Variants in VWC2L observed in about 807,000 individuals in gnomAD.
VWC2L encodes the protein von Willebrand factor C domain containing 2 like.
A neutral mutation model predicts 21.6 loss-of-function variants in VWC2L; 10 were observed. The observed-to-expected ratio is 0.46, with a 90% CI of 0.29 to 0.78. VWC2L has a LOEUF of 0.78. Ranked by LOEUF, VWC2L falls within the 30% of genes least tolerant of loss-of-function variation. The pLI is 0.10. For synonymous variants in VWC2L, 96 were observed against 94.3 expected, an observed-to-expected ratio of 1.02 and a Z score of -0.10; for missense variants, 209 against 277.1, an observed-to-expected ratio of 0.75 and a Z score of 1.74.
At chr2:214,462,102 CGGTCTAGTGGAAGCTA>C (rs1029603942) in intron 3 of VWC2L, among the ~76,000 whole-genome samples, 1 of 152,164 alleles carries the variant, frequency 6.6e-6, no homozygotes, top group African/African-American at 2.4e-5. Flanking sequence ...GAGCAGGATG[CGGTCTAGTGGAAGCTA>C]GGCTCTCAAA....
intron 3 of VWC2L, among the ~76,000 whole-genome samples, chr2:214,555,082 G>A (rs189337283): frequency 7.4e-4 from 112 of 152,252 alleles, no homozygotes; most frequent in Non-Finnish European, 1.3e-3. Flanking sequence ...AAGAACCTTG[G>A]CTTCCACAAG....
At position 214,575,881 on chromosome 2, in the gene VWC2L, A is replaced by G. The variant is rs956198848; in HGVS notation, c.*61A>G. 6.4e-7 allele frequency: 1 copy of G among 1,553,258 alleles called. No homozygotes were observed. Among genetic ancestry groups the G allele is most frequent in the Non-Finnish European group, 8.8e-7 (1 of 1,140,174 alleles). ...GGATGCTATGGCTTCAACACTGCAC[A>G]TGTTTAACACAAAACAAAACAAACA... On this transcript the variant is annotated 3_prime_UTR_variant, in exon 4 of 4. Coordinates refer to ENST00000312504, the MANE Select transcript of VWC2L (RefSeq NM_001080500.4).
intron 3 of VWC2L, among the ~76,000 whole-genome samples, chr2:214,447,097 A>G (rs1443537552): frequency 7.2e-5 from 11 of 152,150 alleles, no homozygotes; most frequent in Admixed American, 7.2e-4. Flanking sequence ...AAACTGGGAA[A>G]CTGGGATCAC....
At chr2:214,473,536 G>A (rs1417087510) in intron 3 of VWC2L, among the ~76,000 whole-genome samples, 2 of 152,102 alleles carry the variant, frequency 1.3e-5, no homozygotes. Flanking sequence ...CAGTCTATGG[G>A]AGATCTTTAA....
chr2:214,508,138 G>C (rs974058491), intron 3 of VWC2L, among the ~76,000 whole-genome samples: 1 of 151,920 alleles, frequency 6.6e-6, no homozygotes, highest in Non-Finnish European at 1.5e-5. Context: ...CACCGTGCCC[G>C]GCTAATTTTT....
At chr2:214,528,689 C>G in intron 3 of VWC2L, among the ~76,000 whole-genome samples, 1 of 152,028 alleles carries the variant, frequency 6.6e-6, no homozygotes, top group Non-Finnish European at 1.5e-5. Flanking sequence ...TGTCAAAACC[C>G]ATGTTCGTGA....
chr2:214,513,562 C>A (rs538166556), intron 3 of VWC2L, among the ~76,000 whole-genome samples: 1 of 152,188 alleles, frequency 6.6e-6, no homozygotes, highest in Admixed American at 6.5e-5. Context: ...AGAACTGTGA[C>A]ATGAATGGAA....
chr2:214,486,882 C>T (rs12328061), intron 3 of VWC2L, among the ~76,000 whole-genome samples: 34,500 of 152,096 alleles, frequency 0.23, 4,024 homozygotes, highest in Admixed American at 0.27. Flanking sequence ...TTTAGTGTTA[C>T]GAGCTAAATT....
intron 3 of VWC2L, among the ~76,000 whole-genome samples, chr2:214,464,526 GAGA>G (rs138407709): frequency 0.034 from 5,132 of 152,216 alleles, 282 homozygotes; most frequent in African/African-American, 0.12. Context: ...CCTGGAGCTG[GAGA>G]AGGTGTGACA....
intron 3 of VWC2L, among the ~76,000 whole-genome samples, chr2:214,456,568 G>A (rs1248521320): frequency 6.6e-6 from 1 of 151,972 alleles, no homozygotes; most frequent in Non-Finnish European, 1.5e-5. Flanking sequence ...AAGATTTTTA[G>A]TTTAATATAG....
At chr2:214,439,531 T>C (rs1702732134) in intron 3 of VWC2L, among the ~76,000 whole-genome samples, 1 of 152,020 alleles carries the variant, frequency 6.6e-6, no homozygotes, top group Admixed American at 6.6e-5. Context: ...TTTTCTTAAA[T>C]CTTCATAAAT....
chr2:214,526,416 T>C lies in VWC2L; in HGVS notation c.521-49256T>C, dbSNP rs77088265. Among the ~76,000 whole-genome samples, 1,049 of 152,290 alleles carry C rather than the reference T, an allele frequency of 6.9e-3. 17 individuals carry two copies. The highest frequency in any genetic ancestry group is 9.3e-3 in the Non-Finnish European group (630 of 68,022). On this transcript the variant is annotated intron_variant, in intron 3 of 3. Transcript: ENST00000312504. Reference sequence around the variant, plus strand: ...ACCTCCCCATATTCATATAATACTTTTTGGCATTTTTCGATTCGTTCACTG... The same window carrying C: ...ACCTCCCCATATTCATATAATACTTCTTGGCATTTTTCGATTCGTTCACTG...
Position 214,523,593 on chromosome 2 carries a change from C to T in VWC2L, c.521-52079C>T, listed in dbSNP as rs542111015. ...GTGGCTCATGCCTGTAATCCCAGCA[C>T]TTTGGGTGACCAAGGCAGGTAGATC... On this transcript the variant is annotated intron_variant, in intron 3 of 3. Transcript: ENST00000312504. Among the ~76,000 whole-genome samples, 14 of 152,270 alleles carry T rather than the reference C, an allele frequency of 9.2e-5. No individual in the cohort carries two copies. The East Asian group carries it at 2.3e-3, about 25-fold the overall frequency.
intron 2 of VWC2L, among the ~76,000 whole-genome samples, chr2:214,427,705 T>C (rs1450354072): frequency 6.6e-6 from 1 of 152,170 alleles, no homozygotes; most frequent in East Asian, 1.9e-4. Context: ...TGTAAAACTG[T>C]AAGATACAAA....
At chr2:214,568,904 G>A (rs1056596869) in intron 3 of VWC2L, among the ~76,000 whole-genome samples, 1 of 152,104 alleles carries the variant, frequency 6.6e-6, no homozygotes, top group Non-Finnish European at 1.5e-5. Context: ...GGTCTCCTAA[G>A]GGACCCCAAC....
intron 3 of VWC2L, among the ~76,000 whole-genome samples, chr2:214,546,995 A>G (rs1481849101): frequency 6.6e-6 from 1 of 152,190 alleles, no homozygotes; most frequent in Non-Finnish European, 1.5e-5. Context: ...TTCAAAGACC[A>G]GTGTGGAAAT....
At chr2:214,513,639 A>G (rs1689093719) in intron 3 of VWC2L, among the ~76,000 whole-genome samples, 1 of 152,088 alleles carries the variant, frequency 6.6e-6, no homozygotes, top group African/African-American at 2.4e-5. Context: ...CAGCTATTCA[A>G]TATATAATTT....
intron 3 of VWC2L, among the ~76,000 whole-genome samples, chr2:214,555,232 T>A (rs772729202): frequency 6.6e-6 from 1 of 152,200 alleles, no homozygotes; most frequent in Non-Finnish European, 1.5e-5. Context: ...GACTTCAAGT[T>A]GTCCCGCCCT....
intron 3 of VWC2L, among the ~76,000 whole-genome samples, chr2:214,504,145 G>A (rs1688935080): frequency 1.3e-5 from 2 of 152,176 alleles, no homozygotes; most frequent in Admixed American, 1.3e-4. Flanking sequence ...AAAGAATGCA[G>A]ATTTCAAAAT....
Sources: allele counts gnomAD v4.1 joint callset (sites outside exome capture counted in the v4.1 genomes callset), GRCh38; gene constraint gnomAD v4.1.1; transcripts MANE v1.5; gene names NCBI Gene and HGNC (gene_info 2026-07-23, HGNC 2026-07-21).